The following THPO variants were observed in gnomAD, a reference collection of about 807,000 sequenced individuals.
THPO encodes MPL ligand.
THPO carries 12 observed loss-of-function variants against 17.0 expected under a neutral mutation model. That is an observed-to-expected ratio of 0.71 (90% CI 0.45 to 1.14). The LOEUF (loss-of-function observed/expected upper bound fraction) is 1.14, where lower values mean the gene tolerates loss of function less well. Ranked by LOEUF, THPO falls within the 50% of genes most tolerant of loss-of-function variation. The probability of loss-of-function intolerance (pLI) is 0.00; values close to 1 mark genes in which losing one functional copy is unlikely to be tolerated. For synonymous variants in THPO, 188 were observed against 183.0 expected, an observed-to-expected ratio of 1.03 and a Z score of -0.22; for missense variants, 365 against 427.5, an observed-to-expected ratio of 0.85 and a Z score of 1.29.
chr3:184,373,039 G>A lies in THPO; in HGVS notation c.536C>T (p.Thr179Ile), dbSNP rs1480177909. ...STLCVRRAPP[T>I]TAVPSRTSLV... ...AGAGGTTCTGCTGGGGACAGCTGTG[G>A]TGGGTGGGGCCCGCCTGACGCAGAG... is the stretch of plus-strand genomic sequence containing the variant. Residue 179 changes from threonine (T) to isoleucine (I), a missense_variant, in exon 6 of 6, where the codon ACC (threonine) becomes ATC (isoleucine). Thr to Ile is a moderately conservative substitution (Grantham distance 89, BLOSUM62 -1). Transcript: ENST00000647395. The A allele has an allele frequency of 1.2e-6, 2 of 1,613,978 alleles. No homozygotes were observed. The highest frequency in any genetic ancestry group is 1.7e-6 in the Non-Finnish European group (2 of 1,180,032).
chr3:184,374,182 C>G (rs891724830), intron 4 of THPO, among the ~76,000 whole-genome samples: 1 of 152,146 alleles, frequency 6.6e-6, no homozygotes. Flanking sequence ...GAGTTGAGAT[C>G]ATGCCACTGC....
intron 4 of THPO, among the ~76,000 whole-genome samples, chr3:184,373,826 C>T (rs899416530): frequency 1.3e-5 from 2 of 152,190 alleles, no homozygotes; most frequent in Admixed American, 6.5e-5. Flanking sequence ...AGAAGAGCTC[C>T]TTTTTTCTTA....
rs1354186851 is a variant in THPO at position 184,376,001 on chromosome 3, C to G, written c.28G>C (p.Val10Leu). The part of the protein sequence containing the change: MELTELLLV[V>L]MLLLTARLTL... ...AGCCTTGCAGTTAGGAGAAGCATGA[C>G]CACGAGGAGCAATTCTTAGATGAGG... Residue 10 changes from valine to leucine, a missense_variant, in exon 3 of 6, where the codon GTC becomes CTC. Val to Leu is a conservative substitution (Grantham distance 32). Coordinates refer to ENST00000647395, the MANE Select transcript of THPO (RefSeq NM_000460.4). 6.2e-7 allele frequency: 1 copy of G among 1,613,760 alleles called. No homozygotes were observed. Among genetic ancestry groups the G allele is most frequent in the Non-Finnish European group, 8.5e-7 (1 of 1,179,974 alleles).
chr3:184,376,239 G>GT lies in THPO; in HGVS notation c.13+7dup. The GT allele has an allele frequency of 1.2e-6, 2 of 1,614,120 alleles. No individual in the cohort carries two copies. The highest frequency in any genetic ancestry group is 1.7e-6 in the Non-Finnish European group (2 of 1,180,002). On this transcript the variant is annotated splice_region_variant and intron_variant, in intron 2 of 5. Coordinates refer to ENST00000647395, the MANE Select transcript of THPO (RefSeq NM_000460.4). Reference sequence around the variant, plus strand: ...CATATGGCCCTAGCCCCTCAGGTGTGTTCTCACCAGTCAGCTCCATTCTGG... The same window carrying GT: ...CATATGGCCCTAGCCCCTCAGGTGTGTTTCTCACCAGTCAGCTCCATTCTGG...
In THPO at chr3:184,375,318, T is replaced by C. The variant is rs16858759; in HGVS notation, c.228+197A>G. ...GCTTTTCATGGTGTTCAGCTTCAAA[T>C]CTATTCACATATTGGACCTGCAAGC... On this transcript the variant is annotated intron_variant, in intron 4 of 5. Transcript: ENST00000647395. Among the ~76,000 whole-genome samples the C allele has an allele frequency of 0.047, 7,191 of 152,290 alleles. 263 individuals carry two copies. Among genetic ancestry groups the C allele is most frequent in the African/African-American group, 0.095 (3,936 of 41,544 alleles).
At chr3:184,377,230 G>A (rs1714495890) in intron 1 of THPO, among the ~76,000 whole-genome samples, 2 of 152,128 alleles carry the variant, frequency 1.3e-5, no homozygotes, top group African/African-American at 4.8e-5. Context: ...ACCACTAGAG[G>A]TCAGGATTAA....
chr3:184,379,064 A>T (rs559392660), upstream of THPO, among the ~76,000 whole-genome samples: 1 of 151,920 alleles, frequency 6.6e-6, no homozygotes, highest in South Asian at 2.1e-4. Context: ...CCTTGATCCC[A>T]TCATCCCCCT....
chr3:184,372,467 G>T lies in THPO; in HGVS notation c.*46C>A, dbSNP rs748346658. ...CTCCCAGGGGCGCCCTGCAGGGAAG[G>T]GAGCTGTACACGAGACAATGCTGAT... On this transcript the variant is annotated 3_prime_UTR_variant, in exon 6 of 6. Transcript: ENST00000647395. The T allele has an allele frequency of 6.2e-7, 1 of 1,611,590 alleles. No homozygotes were observed. Among genetic ancestry groups the T allele is most frequent in the Non-Finnish European group, 8.5e-7 (1 of 1,177,932 alleles).
chr3:184,376,162 T>C (rs1017713716), intron 2 of THPO, 85 bp downstream of exon 2: 1 of 1,613,080 alleles, frequency 6.2e-7, no homozygotes, highest in African/African-American at 1.3e-5. Context: ...TTCCCCCAGC[T>C]TCCTGCCCCC....
Position 184,375,984 on chromosome 3 carries a change from A to C in THPO, c.45T>G (p.Thr15=). 1 of 1,614,026 alleles carries C rather than the reference A, an allele frequency of 6.2e-7. No homozygotes were observed. Among genetic ancestry groups the C allele is most frequent in the Non-Finnish European group, 8.5e-7 (1 of 1,179,976 alleles). ...ELLLVVMLLL[T]ARLTLSSPAP... is the part of the protein sequence containing the mutation. The stretch of plus-strand genomic sequence containing the variant: ...CCGGGCTGGACAGCGTTAGCCTTGC[A>C]GTTAGGAGAAGCATGACCACGAGGA... Residue 15 remains threonine (T), a synonymous_variant, in exon 3 of 6, where the codon ACT becomes ACG. Transcript: ENST00000647395.
intron 5 of THPO, 96 bp downstream of exon 5, chr3:184,373,319 T>G: frequency 6.4e-7 from 1 of 1,570,362 alleles, no homozygotes. Context: ...TCTTCTGCCC[T>G]TGAGCTCCCT....
At position 184,372,612 on chromosome 3, in the gene THPO, G is replaced by A. The variant is rs377138170; in HGVS notation, c.963C>T (p.His321=). The A allele has an allele frequency of 4.0e-5, 65 of 1,613,932 alleles. No homozygotes were observed. The highest frequency in any genetic ancestry group is 4.9e-5 in the Non-Finnish European group (58 of 1,179,920). ...PTLPTPVVQL[H]PLLPDPSAPT... Reference sequence around the variant, plus strand: ...GAGCAGAAGGGTCAGGAAGCAGGGGGTGGAGCTGGACCACAGGGGTGGGCA... The same window carrying A: ...GAGCAGAAGGGTCAGGAAGCAGGGGATGGAGCTGGACCACAGGGGTGGGCA... Residue 321 remains histidine (H), a synonymous_variant, in exon 6 of 6, where the codon CAC becomes CAT. Transcript: ENST00000647395.
chr3:184,373,876 G>A (rs1012308839), intron 4 of THPO, among the ~76,000 whole-genome samples: 2 of 152,134 alleles, frequency 1.3e-5, no homozygotes, highest in Non-Finnish European at 2.9e-5. Context: ...TTACCTCTTG[G>A]TTCTAGTGCT....
rs769969601 is a variant in THPO, at chr3:184,372,958, T to C, written c.617A>G (p.Asn206Ser). ...AGTAGTTCTGGCTGAGGCAGTGAAG[T>C]TTGTCTCCAACAATCCAGAAGTCCT... is the stretch of plus-strand genomic sequence containing the variant. ...PNRTSGLLET[N>S]FTASARTTGS... The change falls in exon 6 of 6, where the codon AAC becomes AGC. Residue 206 changes from asparagine (N) to serine (S), a missense_variant. Physicochemically the swap from Asn to Ser is conservative, Grantham distance 46. Transcript: ENST00000647395. 1.2e-6 allele frequency: 2 copies of C among 1,614,132 alleles called. No homozygotes were observed. The highest frequency in any genetic ancestry group is 1.7e-6 in the Non-Finnish European group (2 of 1,180,032).
Position 184,372,361 on chromosome 3 carries a change from A to T in THPO, c.*152T>A. 1.1e-6 allele frequency: 1 copy of T among 909,254 alleles called. No homozygotes were observed. Among genetic ancestry groups the T allele is most frequent in the Non-Finnish European group, 1.8e-6 (1 of 568,482 alleles). The allele number at this position is 909,254 out of a possible 1,614,324, so 56.3% of individuals were successfully genotyped here. A position where few individuals can be genotyped will look rare whatever the true frequency, so the allele number is the denominator to read the frequency against. ...GAAGGTTTATAATGTACAGTGAAAA[A>T]TGATTCCCTTTTCAGTCCTGTGTAT... is the stretch of plus-strand genomic sequence containing the variant. On this transcript the variant is annotated 3_prime_UTR_variant, in exon 6 of 6. Transcript: ENST00000647395.
upstream of THPO, chr3:184,378,412 G>A (rs1161869599): frequency 1.0e-6 from 1 of 984,912 alleles, no homozygotes; most frequent in Non-Finnish European, 1.2e-6. Flanking sequence ...TTTTTTCCAG[G>A]AGGAATCTGG....
chr3:184,372,661 G>A lies in THPO; in HGVS notation c.914C>T (p.Thr305Met), dbSNP rs148499454. The stretch of plus-strand genomic sequence containing the variant: ...CAAGGTGGGTGGAAGAGGGAAGAGC[G>A]TATACTGTCCAGTAGGAGGATGGGT... Reference protein sequence around the residue: ...SPTHPPTGQYTLFPLPPTLPT... With the variant: ...SPTHPPTGQYMLFPLPPTLPT... The change falls in exon 6 of 6, where the codon ACG (threonine) becomes ATG (methionine). Residue 305 changes from threonine to methionine, a missense_variant. Physicochemically the swap from Thr to Met is moderately conservative, Grantham distance 81. Transcript: ENST00000647395. 1.7e-5 allele frequency: 28 copies of A among 1,613,088 alleles called. No homozygotes were observed. Among genetic ancestry groups the A allele is most frequent in the African/African-American group, 1.3e-4 (10 of 75,014 alleles).
At chr3:184,377,941 G>T in intron 1 of THPO, 134 bp downstream of exon 1, 1 of 662,362 alleles carries the variant, frequency 1.5e-6, no homozygotes, top group Non-Finnish European at 1.9e-6. Context: ...CCCATTCTGG[G>T]AAGGCTACAC....
chr3:184,375,368 T>A lies in THPO; in HGVS notation c.228+147A>T, dbSNP rs566445529. On this transcript the variant is annotated intron_variant, in intron 4 of 5. Transcript: ENST00000647395. ...CCATCATCTTATCCACAGGCTATCA[T>A]CATAGGTGAATGTAGATTGGGTTAG... 1.7e-5 allele frequency: 13 copies of A among 772,238 alleles called. No individual in the cohort carries two copies. In the East Asian group the frequency reaches 3.4e-4, roughly 20 times the overall value. The allele number at this position is 772,238 out of a possible 1,614,324, so 47.8% of individuals were successfully genotyped here.
Sources: allele counts gnomAD v4.1 joint callset (sites outside exome capture counted in the v4.1 genomes callset), GRCh38; gene constraint gnomAD v4.1.1; transcripts MANE v1.5; gene names NCBI Gene and HGNC (gene_info 2026-07-23, HGNC 2026-07-21).